The following ZNF804A variants were observed in gnomAD, a reference collection of about 807,000 sequenced individuals.
ZNF804A encodes zinc finger protein 804A.
In ZNF804A, 2 loss-of-function variants were observed where a neutral mutation model predicts 16.5. That is an observed-to-expected ratio of 0.12 (90% CI 0.05 to 0.38). The LOEUF is 0.38. Among genes scored for constraint, ZNF804A ranks in the 10% least tolerant of loss-of-function variants. The probability of loss-of-function intolerance (pLI) is 0.99; values close to 1 mark genes in which losing one functional copy is unlikely to be tolerated. For synonymous variants in ZNF804A, 534 were observed against 489.6 expected (o/e 1.09, Z -1.20); for missense variants, 1,473 against 1,390.7 (o/e 1.06, Z -0.94).
intron 1 of ZNF804A, among the ~76,000 whole-genome samples, chr2:184,620,330 T>A (rs1268134624): frequency 6.6e-6 from 1 of 151,752 alleles, no homozygotes; most frequent in Non-Finnish European, 1.5e-5. Context: ...AATTTTCTGC[T>A]AAAAAAATTG....
intron 1 of ZNF804A, among the ~76,000 whole-genome samples, chr2:184,815,288 T>TGCAATCTA (rs1333333521): frequency 1.3e-5 from 2 of 152,110 alleles, no homozygotes; most frequent in Non-Finnish European, 2.9e-5. Context: ...TACTAGGTTT[T>TGCAATCTA]GCAATCTAAT....
intron 1 of ZNF804A, among the ~76,000 whole-genome samples, chr2:184,610,020 G>A (rs904390239): frequency 5.9e-5 from 9 of 152,182 alleles, no homozygotes. Context: ...TAAGGGCTCT[G>A]CCCTCATGAA....
intron 1 of ZNF804A, among the ~76,000 whole-genome samples, chr2:184,672,360 T>G (rs1054149338): frequency 8.5e-5 from 13 of 152,228 alleles, no homozygotes; most frequent in Non-Finnish European, 1.5e-4. Flanking sequence ...GAGAGATGAC[T>G]GATCCACTGA....
intron 1 of ZNF804A, among the ~76,000 whole-genome samples, chr2:184,716,691 A>G (rs1448228557): frequency 6.6e-6 from 1 of 152,190 alleles, no homozygotes; most frequent in Non-Finnish European, 1.5e-5. Flanking sequence ...GAATTTTAAT[A>G]CTACCCAAGA....
chr2:184,749,833 T>G (rs982265650), intron 1 of ZNF804A, among the ~76,000 whole-genome samples: 1 of 151,306 alleles, frequency 6.6e-6, no homozygotes, highest in Non-Finnish European at 1.5e-5. Context: ...AGATTTTTCA[T>G]GTATTCAGCT....
In ZNF804A at chr2:184,666,286, T is replaced by C. The variant is rs142555015; in HGVS notation, c.111+67216T>C. The stretch of plus-strand genomic sequence containing the variant: ...ATTTGATTATCTCAAAATAGCCTTA[T>C]TAATTAGTATCATAATGTATTCTTC... On this transcript the variant is annotated intron_variant, in intron 1 of 3. Coordinates refer to ENST00000302277, the MANE Select transcript of ZNF804A (RefSeq NM_194250.2). 4.3e-4 allele frequency among the ~76,000 whole-genome samples: 65 copies of C among 152,216 alleles called. 1 individual carries two copies. In the East Asian group the frequency reaches 0.011, roughly 25 times the overall value.
intron 1 of ZNF804A, among the ~76,000 whole-genome samples, chr2:184,787,000 C>G (rs1029811044): frequency 1.3e-5 from 2 of 151,512 alleles, no homozygotes; most frequent in African/African-American, 2.4e-5. Flanking sequence ...GGTACTTGTG[C>G]TTGTTTGTTC....
At chr2:184,866,260 C>A in intron 1 of ZNF804A, 109 bp from the exon 2 acceptor site, 2 of 922,826 alleles carry the variant, frequency 2.2e-6, no homozygotes, top group Non-Finnish European at 1.6e-6. Context: ...TTTCTCTTTG[C>A]TGTATTCTGT....
At chr2:184,697,284 G>C (rs1432807012) in intron 1 of ZNF804A, among the ~76,000 whole-genome samples, 2 of 151,998 alleles carry the variant, frequency 1.3e-5, no homozygotes, top group African/African-American at 4.8e-5. Context: ...TATGCTTTCT[G>C]TTACATGAAG....
intron 2 of ZNF804A, among the ~76,000 whole-genome samples, chr2:184,898,785 A>G (rs1488949918): frequency 6.6e-6 from 1 of 152,026 alleles, no homozygotes; most frequent in African/African-American, 2.4e-5. Flanking sequence ...TTTCTTCCAA[A>G]GAAGAAATAT....
At chr2:184,857,995 T>C (rs1247831450) in intron 1 of ZNF804A, among the ~76,000 whole-genome samples, 1 of 152,130 alleles carries the variant, frequency 6.6e-6, no homozygotes, top group Non-Finnish European at 1.5e-5. Flanking sequence ...TGTCTTCCTG[T>C]TAATTGTTTT....
At chr2:184,850,897 A>C (rs899736445) in intron 1 of ZNF804A, among the ~76,000 whole-genome samples, 1 of 151,804 alleles carries the variant, frequency 6.6e-6, no homozygotes, top group South Asian at 2.1e-4. Context: ...ACTATTCATC[A>C]ATGGTAATTT....
intron 2 of ZNF804A, among the ~76,000 whole-genome samples, chr2:184,923,948 T>C (rs1184386220): frequency 6.6e-6 from 1 of 151,910 alleles, no homozygotes; most frequent in Non-Finnish European, 1.5e-5. Context: ...TTCAGTTTGC[T>C]AGTATTTGTT....
intron 1 of ZNF804A, among the ~76,000 whole-genome samples, chr2:184,710,906 A>T (rs1278252360): frequency 6.6e-6 from 1 of 151,806 alleles, no homozygotes; most frequent in Non-Finnish European, 1.5e-5. Context: ...CCATTTATCC[A>T]TTGATGGACA....
At chr2:184,888,802 G>A (rs533108136) in intron 2 of ZNF804A, among the ~76,000 whole-genome samples, 1 of 152,108 alleles carries the variant, frequency 6.6e-6, no homozygotes, top group Admixed American at 6.5e-5. Flanking sequence ...GAGGGGAAGA[G>A]AATACCTATC....
chr2:184,611,683 CTCT>C (rs1001390685), intron 1 of ZNF804A, among the ~76,000 whole-genome samples: 13 of 140,190 alleles, frequency 9.3e-5, no homozygotes, highest in African/African-American at 3.3e-4. Context: ...ATAACATTTC[CTCT>C]TCTTTTCAAA....
chr2:184,939,226 A>G lies in ZNF804A; in HGVS notation c.*200A>G, dbSNP rs1559010549. On this transcript the variant is annotated 3_prime_UTR_variant, in exon 4 of 4. Coordinates refer to ENST00000302277, the MANE Select transcript of ZNF804A (RefSeq NM_194250.2). ...TTCTGATATATAATATTATTAAAGC[A>G]CTGAATAGTTTGAAAATCAATACAA... The G allele has an allele frequency of 2.4e-5, 14 of 575,618 alleles. No individual in the cohort carries two copies. The highest frequency in any genetic ancestry group is 2.1e-5 in the Non-Finnish European group (7 of 338,356). The allele number at this position is 575,618 out of a possible 1,614,324, so 35.7% of individuals were successfully genotyped here.
In ZNF804A at chr2:184,879,792, A is replaced by G. The variant is rs149549642; in HGVS notation, c.255+13280A>G. Among the ~76,000 whole-genome samples the G allele has an allele frequency of 2.8e-3, 429 of 152,190 alleles. 6 individuals are homozygous for G. Among genetic ancestry groups the G allele is most frequent in the East Asian group, 7.1e-3 (37 of 5,184 alleles). On this transcript the variant is annotated intron_variant, in intron 2 of 3. Coordinates refer to ENST00000302277, the MANE Select transcript of ZNF804A (RefSeq NM_194250.2). ...AACAATGAGACATTGCAAAGAATAC[A>G]GAACCATAGTGCCAAGAAATGCCAA... is the stretch of plus-strand genomic sequence containing the variant.
chr2:184,897,501 G>T (rs1685106671), intron 2 of ZNF804A, among the ~76,000 whole-genome samples: 1 of 147,886 alleles, frequency 6.8e-6, no homozygotes, highest in African/African-American at 2.5e-5. Context: ...AGCAATTTTT[G>T]GATGGAGTCA....
Sources: gnomAD v4.1 joint callset for allele counts (sites outside exome capture counted in the v4.1 genomes callset) on GRCh38, gnomAD v4.1.1 for gene constraint, MANE v1.5 for transcripts, NCBI Gene and HGNC (gene_info 2026-07-23, HGNC 2026-07-21) for gene names.